Variants in NALCN observed in about 807,000 individuals in gnomAD.
NALCN encodes sodium leak channel, non-selective.
NALCN carries 111 observed loss-of-function variants against 225.3 expected under a neutral mutation model. The ratio of observed to expected loss-of-function variants is 0.49; its 90% CI spans 0.42 to 0.58. The LOEUF (loss-of-function observed/expected upper bound fraction) is 0.58, where lower values mean the gene tolerates loss of function less well. NALCN is among the 20% of genes least tolerant of loss of function. The pLI is 0.00. For synonymous variants in NALCN, 764 were observed against 769.0 expected (o/e 0.99, Z 0.11); for missense variants, 1,378 against 2,202.4 (o/e 0.63, Z 7.49).
At chr13:101,294,166 A>G (rs995888050) in intron 7 of NALCN, among the ~76,000 whole-genome samples, 1 of 152,176 alleles carries the variant, frequency 6.6e-6, no homozygotes, top group African/African-American at 2.4e-5. Context: ...CATGCTATTT[A>G]TATTTCTCTT....
At chr13:101,179,416 A>C (rs2039100382) in intron 14 of NALCN, among the ~76,000 whole-genome samples, 1 of 152,168 alleles carries the variant, frequency 6.6e-6, no homozygotes, top group Non-Finnish European at 1.5e-5. Flanking sequence ...AGCTAAAATA[A>C]ATTTCTTGGT....
At chr13:101,345,590 A>G (rs947258486) in intron 6 of NALCN, among the ~76,000 whole-genome samples, 170 bp from the exon 7 acceptor site, 2 of 151,474 alleles carry the variant, frequency 1.3e-5, no homozygotes, top group Non-Finnish European at 2.9e-5. Flanking sequence ...CCTTGAGCCC[A>G]GGGGTTCGAG....
At chr13:101,412,258 A>C (rs2047810968) in intron 1 of NALCN, among the ~76,000 whole-genome samples, 1 of 152,228 alleles carries the variant, frequency 6.6e-6, no homozygotes, top group African/African-American at 2.4e-5. Flanking sequence ...TCTGTCAGGA[A>C]AAACATTTAT....
chr13:101,380,014 C>T (rs1226958904), intron 3 of NALCN, among the ~76,000 whole-genome samples: 2 of 152,000 alleles, frequency 1.3e-5, no homozygotes, highest in Non-Finnish European at 2.9e-5. Context: ...GCAAAAACCC[C>T]CAAAGATCAA....
intron 9 of NALCN, among the ~76,000 whole-genome samples, chr13:101,290,779 C>A (rs1566538000): frequency 6.6e-6 from 1 of 152,092 alleles, no homozygotes; most frequent in Non-Finnish European, 1.5e-5. Flanking sequence ...CACCTCGGCT[C>A]CTTGATAGAT....
At chr13:101,396,527 A>G (rs1036680113) in intron 2 of NALCN, among the ~76,000 whole-genome samples, 8 of 152,164 alleles carry the variant, frequency 5.3e-5, no homozygotes, top group Non-Finnish European at 1.2e-4. Context: ...GGAGACTCAG[A>G]CACTTGCAGC....
intron 9 of NALCN, 59 bp downstream of exon 9, chr13:101,291,931 T>G: frequency 1.3e-5 from 20 of 1,529,894 alleles, no homozygotes; most frequent in Non-Finnish European, 1.6e-5. Flanking sequence ...CCACTGATGG[T>G]GAGGGTGAGA....
Position 101,074,756 on chromosome 13 carries a change from T to C in NALCN, c.3955-94A>G, listed in dbSNP as rs2033146028. On this transcript the variant is annotated intron_variant, in intron 35 of 43. Coordinates refer to ENST00000251127, the MANE Select transcript of NALCN (RefSeq NM_052867.4). ...AGAGAGAGAGAGAATATTCAATCTA[T>C]TAAGCTATGGAAGACCTGGGTAGCA... The C allele has an allele frequency of 2.8e-6, 4 of 1,411,484 alleles. No individual in the cohort carries two copies. In the East Asian group the frequency reaches 7.0e-5, roughly 25 times the overall value. The allele number at this position is 1,411,484 out of a possible 1,614,324, so 87.4% of individuals were successfully genotyped here. A position where few individuals can be genotyped will look rare whatever the true frequency, so the allele number is the denominator to read the frequency against.
intron 12 of NALCN, among the ~76,000 whole-genome samples, chr13:101,232,338 C>T (rs920833957): frequency 6.6e-6 from 1 of 152,112 alleles, no homozygotes; most frequent in Non-Finnish European, 1.5e-5. Flanking sequence ...AGCATGTTTC[C>T]TTCATGCTAA....
chr13:101,239,386 T>A (rs548283645), intron 11 of NALCN, among the ~76,000 whole-genome samples: 2 of 151,974 alleles, frequency 1.3e-5, no homozygotes, highest in South Asian at 4.2e-4. Context: ...AGAAAAAAAA[T>A]TCTAAAGACA....
chr13:101,381,140 A>C (rs2046837761), intron 3 of NALCN, among the ~76,000 whole-genome samples: 1 of 152,112 alleles, frequency 6.6e-6, no homozygotes, highest in African/African-American at 2.4e-5. Context: ...CTCACAAAAG[A>C]GATATGAAAG....
intron 2 of NALCN, among the ~76,000 whole-genome samples, chr13:101,397,476 A>C (rs1020078837): frequency 1.3e-5 from 2 of 151,170 alleles, no homozygotes; most frequent in Non-Finnish European, 3.0e-5. Flanking sequence ...TTATACATAC[A>C]TATAATATAT....
intron 9 of NALCN, among the ~76,000 whole-genome samples, chr13:101,286,031 G>A (rs1447869412): frequency 6.6e-6 from 1 of 152,050 alleles, no homozygotes; most frequent in East Asian, 1.9e-4. Flanking sequence ...CAGTAAAAGT[G>A]TTCTCCCAAG....
intron 15 of NALCN, among the ~76,000 whole-genome samples, chr13:101,165,894 C>T (rs1028599530): frequency 4.6e-5 from 7 of 152,236 alleles, no homozygotes; most frequent in Non-Finnish European, 7.3e-5. Context: ...CATTGAACAA[C>T]AATGGGTTTA....
chr13:101,313,209 G>T (rs992358574), intron 7 of NALCN, among the ~76,000 whole-genome samples: 1 of 151,996 alleles, frequency 6.6e-6, no homozygotes, highest in Non-Finnish European at 1.5e-5. Context: ...TTACGTGTTA[G>T]ACCTAAAACC....
chr13:101,145,489 A>G (rs7992226), intron 15 of NALCN, among the ~76,000 whole-genome samples: 40,476 of 152,090 alleles, frequency 0.27, 6,000 homozygotes, highest in Non-Finnish European at 0.33. Context: ...ATGCCATATG[A>G]TATCTTTGTG....
At chr13:101,156,721 C>T (rs967654910) in intron 15 of NALCN, among the ~76,000 whole-genome samples, 2 of 152,078 alleles carry the variant, frequency 1.3e-5, no homozygotes, top group Non-Finnish European at 2.9e-5. Flanking sequence ...TTATTTGTTG[C>T]ACTTAGTGTG....
chr13:101,265,831 T>C (rs975926315), intron 10 of NALCN, among the ~76,000 whole-genome samples: 2 of 152,080 alleles, frequency 1.3e-5, no homozygotes, highest in African/African-American at 4.8e-5. Context: ...TATCAGACAG[T>C]CAAAATTCAT....
rs79766279 is a variant in NALCN at position 101,124,628 on chromosome 13, G to A, written c.2172C>T (p.Thr724=). 1,011 of 1,613,840 alleles carry A rather than the reference G, an allele frequency of 6.3e-4. 6 individuals are homozygous for A. The highest frequency in any genetic ancestry group is 4.1e-3 in the South Asian group (372 of 91,054). The change falls in exon 18 of 44, where the codon ACC becomes ACT. Residue 724 remains threonine (T), a synonymous_variant. Transcript: ENST00000251127. ...IRARNLLEKE[T]AVTKILRACT... The stretch of plus-strand genomic sequence containing the variant: ...GTTACCTTAAGATTTTAGTGACTGC[G>A]GTCTCCTTTTCCAGAAGGTTCCTTG...
Sources: gnomAD v4.1 joint callset for allele counts (sites outside exome capture counted in the v4.1 genomes callset) on GRCh38, gnomAD v4.1.1 for gene constraint, MANE v1.5 for transcripts, NCBI Gene and HGNC (gene_info 2026-07-23, HGNC 2026-07-21) for gene names.